Variants in TADA2B observed in about 807,000 individuals in gnomAD.
TADA2B encodes transcriptional adapter 2-beta.
Under a neutral mutation model 34.5 loss-of-function variants are expected in TADA2B, and 13 were observed. The ratio of observed to expected loss-of-function variants is 0.38; its 90% CI spans 0.25 to 0.60. TADA2B has a LOEUF of 0.60. Ranked by LOEUF, TADA2B falls within the 20% of genes least tolerant of loss-of-function variation. The pLI is 0.65. For missense variants in TADA2B, 442 were observed against 575.0 expected (o/e 0.77, Z 2.37); for synonymous variants, 240 against 243.4 (o/e 0.99, Z 0.13).
At chr4:7,047,293 G>A (rs1224921045) in intron 1 of TADA2B, among the ~76,000 whole-genome samples, 1 of 152,212 alleles carries the variant, frequency 6.6e-6, no homozygotes, top group Non-Finnish European at 1.5e-5. Context: ...CTCCTCTGCA[G>A]GTGGTGGTCA....
At chr4:7,050,847 G>A (rs1031851357) in intron 1 of TADA2B, among the ~76,000 whole-genome samples, 5 of 152,246 alleles carry the variant, frequency 3.3e-5, no homozygotes, top group Admixed American at 1.3e-4. Context: ...CCCTTCTGCT[G>A]TGCGCTGCAT....
intron 1 of TADA2B, chr4:7,045,867 T>C (rs886505217): frequency 5.9e-5 from 9 of 152,206 alleles, no homozygotes; most frequent in Non-Finnish European, 1.0e-4. Context: ...AAAACATCTA[T>C]GTGGTTTTGG....
At chr4:7,050,848 T>C (rs1273166095) in intron 1 of TADA2B, among the ~76,000 whole-genome samples, 1 of 152,236 alleles carries the variant, frequency 6.6e-6, no homozygotes, top group East Asian at 1.9e-4. Flanking sequence ...CCTTCTGCTG[T>C]GCGCTGCATC....
chr4:7,049,473 C>A (rs1472090309), intron 1 of TADA2B, among the ~76,000 whole-genome samples: 2 of 152,242 alleles, frequency 1.3e-5, no homozygotes, highest in African/African-American at 2.4e-5. Flanking sequence ...GTGTCAGTCA[C>A]CTTGAGGGCC....
At position 7,054,122 on chromosome 4, in the gene TADA2B, G is replaced by C. The variant is rs765043583; in HGVS notation, c.331G>C (p.Val111Leu). The C allele has an allele frequency of 1.2e-6, 2 of 1,602,678 alleles. No homozygotes were observed. Among genetic ancestry groups the C allele is most frequent in the Non-Finnish European group, 1.7e-6 (2 of 1,174,828 alleles). ...RTPQEVMEHY[V>L]SMYIHGNLGK... ...TCCCCAAGAGGTGATGGAGCATTAC[G>C]TGAGCATGTACATCCACGGGAACCT... Residue 111 changes from valine (V) to leucine (L), a missense_variant, in exon 2 of 2, where the codon GTG (valine) becomes CTG (leucine). Transcript: ENST00000310074.
intron 1 of TADA2B, among the ~76,000 whole-genome samples, chr4:7,048,280 C>T (rs1469345453): frequency 6.6e-6 from 1 of 151,816 alleles, no homozygotes; most frequent in South Asian, 2.1e-4. Flanking sequence ...TTAAGGATGG[C>T]GGGAGGGGGA....
intron 1 of TADA2B, among the ~76,000 whole-genome samples, chr4:7,044,713 CG>C (rs1723580118): frequency 6.6e-6 from 1 of 152,174 alleles, no homozygotes; most frequent in African/African-American, 2.4e-5. Flanking sequence ...TGGCCATCCC[CG>C]GGCACCCTGA....
In TADA2B at chr4:7,043,423, C is replaced by A; in HGVS notation, c.-157C>A. ...ACGCGGCCCGGCTGGCTGGCTCTGG[C>A]GGCGGCTGGGCTGGGGCCGCGGTGG... On this transcript the variant is annotated 5_prime_UTR_variant, in exon 1 of 2. Transcript: ENST00000310074. 4.9e-6 allele frequency: 1 copy of A among 202,532 alleles called. No homozygotes were observed. Among genetic ancestry groups the A allele is most frequent in the Non-Finnish European group, 8.5e-6 (1 of 117,978 alleles). 12.5% of individuals were successfully genotyped at this position (202,532 alleles called of 1,614,324 possible). A position where few individuals can be genotyped will look rare whatever the true frequency, so the allele number is the denominator to read the frequency against.
At chr4:7,047,650 C>T (rs1241594096) in intron 1 of TADA2B, among the ~76,000 whole-genome samples, 2 of 152,316 alleles carry the variant, frequency 1.3e-5, no homozygotes, top group Admixed American at 6.5e-5. Flanking sequence ...TGGCAGGTGC[C>T]GTGTGGGCAA....
rs1008874621 is a variant in TADA2B, at chr4:7,056,093, C to T, written c.*1039C>T. 4 of 152,574 alleles carry T rather than the reference C, an allele frequency of 2.6e-5. No individual in the cohort carries two copies. Among genetic ancestry groups the T allele is most frequent in the South Asian group, 2.1e-4 (1 of 4,826 alleles). The allele number at this position is 152,574 out of a possible 1,614,324, so 9.5% of individuals were successfully genotyped here. The stretch of plus-strand genomic sequence containing the variant: ...ATCTGTAAGAGTGTCGCCAGGCCCG[C>T]GCCAGCTGAGGCCTCAGACTAGCCA... On this transcript the variant is annotated 3_prime_UTR_variant, in exon 2 of 2. Transcript: ENST00000310074.
At chr4:7,044,477 C>T (rs928683337) in intron 1 of TADA2B, among the ~76,000 whole-genome samples, 1 of 152,202 alleles carries the variant, frequency 6.6e-6, no homozygotes, top group Non-Finnish European at 1.5e-5. Context: ...GTTTTGCTCT[C>T]TTTACCTTTG....
chr4:7,048,397 C>A (rs1338404975), intron 1 of TADA2B, among the ~76,000 whole-genome samples: 1 of 152,098 alleles, frequency 6.6e-6, no homozygotes, highest in Non-Finnish European at 1.5e-5. Context: ...ACCTGAGTCA[C>A]CCCCACCTCC....
At chr4:7,050,581 G>A (rs1027314927) in intron 1 of TADA2B, among the ~76,000 whole-genome samples, 6 of 152,264 alleles carry the variant, frequency 3.9e-5, no homozygotes, top group Admixed American at 3.9e-4. Context: ...AAGGACAGCA[G>A]TGGGGCCACC....
intron 1 of TADA2B, 78 bp downstream of exon 1, chr4:7,043,927 C>T: frequency 7.2e-7 from 1 of 1,397,632 alleles, no homozygotes; most frequent in Non-Finnish European, 9.3e-7. Context: ...GGCGCGCAGG[C>T]AGCGCTGGAC....
At chr4:7,045,910 C>G (rs967954550) in intron 1 of TADA2B, 2 of 152,254 alleles carry the variant, frequency 1.3e-5, no homozygotes, top group Non-Finnish European at 1.5e-5. Context: ...GAGGCCTCTT[C>G]TAAAACAATA....
rs148404309 is a variant in TADA2B at position 7,057,805 on chromosome 4, T to C, written c.*2751T>C. ...CATCTCAAAAAAAATCTAAGCAAAC[T>C]ATCTTTGAGTCAAAAAAAGTTGGAT... On this transcript the variant is annotated 3_prime_UTR_variant, in exon 2 of 2. Coordinates refer to ENST00000310074, the MANE Select transcript of TADA2B (RefSeq NM_152293.3). 4 of 151,160 alleles carry C rather than the reference T, an allele frequency of 2.6e-5. No homozygotes were observed. The highest frequency in any genetic ancestry group is 5.9e-5 in the Non-Finnish European group (4 of 67,810). 9.4% of individuals were successfully genotyped at this position (151,160 alleles called of 1,614,324 possible).
At chr4:7,048,347 C>T (rs1386254299) in intron 1 of TADA2B, among the ~76,000 whole-genome samples, 1 of 152,070 alleles carries the variant, frequency 6.6e-6, no homozygotes, top group African/African-American at 2.4e-5. Flanking sequence ...AGGTGGTCTC[C>T]AACTCCAGCC....
At chr4:7,050,743 C>T (rs886997921) in intron 1 of TADA2B, among the ~76,000 whole-genome samples, 10 of 152,220 alleles carry the variant, frequency 6.6e-5, no homozygotes, top group Non-Finnish European at 1.3e-4. Flanking sequence ...AGCTGTGGCA[C>T]GTCTCCAACG....
rs935829641 is a variant in TADA2B, at chr4:7,046,618, C to T, written c.270+2769C>T. Among the ~76,000 whole-genome samples, 8 of 152,268 alleles carry T rather than the reference C, an allele frequency of 5.3e-5. No homozygotes were observed. In the South Asian group the frequency reaches 8.3e-4, roughly 16 times the overall value. On this transcript the variant is annotated intron_variant, in intron 1 of 1. Coordinates refer to ENST00000310074, the MANE Select transcript of TADA2B (RefSeq NM_152293.3). Reference sequence around the variant, plus strand: ...GAGGCTGGGAGGCCATCGGTGCCACCGCAGGAGTGGCAGAAGGGCTTGACC... The same window carrying T: ...GAGGCTGGGAGGCCATCGGTGCCACTGCAGGAGTGGCAGAAGGGCTTGACC...
Sources: gnomAD v4.1 joint callset for allele counts (sites outside exome capture counted in the v4.1 genomes callset) on GRCh38, gnomAD v4.1.1 for gene constraint, MANE v1.5 for transcripts, NCBI Gene and HGNC (gene_info 2026-07-23, HGNC 2026-07-21) for gene names.